The following GSK3B variants were observed in gnomAD, a reference collection of about 807,000 sequenced individuals.
The protein encoded by GSK3B is glycogen synthase kinase 3 beta, also known as glycogen synthase kinase-3 beta.
GSK3B carries 15 observed loss-of-function variants against 56.4 expected under a neutral mutation model. The observed-to-expected ratio is 0.27, with a 90% CI of 0.18 to 0.41. The LOEUF is 0.41. Among genes scored for constraint, GSK3B ranks in the 10% least tolerant of loss-of-function variants. GSK3B has a pLI of 1.00. For synonymous variants in GSK3B, 181 were observed against 188.9 expected (o/e 0.96, Z 0.34); for missense variants, 300 against 513.4 (o/e 0.58, Z 4.02).
At chr3:119,965,745 A>G (rs2057313125) in intron 2 of GSK3B, among the ~76,000 whole-genome samples, 1 of 152,176 alleles carries the variant, frequency 6.6e-6, no homozygotes, top group Middle Eastern at 3.2e-3. Flanking sequence ...ATTTTCATTC[A>G]TTTATTGTGT....
At chr3:119,973,802 T>C (rs992441688) in intron 2 of GSK3B, among the ~76,000 whole-genome samples, 4 of 152,204 alleles carry the variant, frequency 2.6e-5, no homozygotes, top group Admixed American at 6.5e-5. Context: ...ATGGTACATA[T>C]AGGATTCGGT....
At chr3:119,864,254 GA>G (rs1204413342) in intron 8 of GSK3B, among the ~76,000 whole-genome samples, 1 of 151,440 alleles carries the variant, frequency 6.6e-6, no homozygotes, top group Non-Finnish European at 1.5e-5. Context: ...TAATCAAGGA[GA>G]AAAAAATGTA....
intron 3 of GSK3B, among the ~76,000 whole-genome samples, chr3:119,936,245 GC>G (rs1225073372): frequency 6.7e-6 from 1 of 149,922 alleles, no homozygotes; most frequent in Non-Finnish European, 1.5e-5. Flanking sequence ...AGAGACTCTA[GC>G]CAGAACGGTG....
chr3:119,938,483 T>A (rs527492119), intron 3 of GSK3B, among the ~76,000 whole-genome samples: 21 of 152,050 alleles, frequency 1.4e-4, no homozygotes, highest in Non-Finnish European at 2.5e-4. Flanking sequence ...TGGTTCAACA[T>A]AAGAAAATCA....
At chr3:119,847,506 C>T (rs1350147293) in intron 9 of GSK3B, among the ~76,000 whole-genome samples, 1 of 151,764 alleles carries the variant, frequency 6.6e-6, no homozygotes, top group African/African-American at 2.4e-5. Context: ...CAAAACAAAC[C>T]CTACCAGTTT....
chr3:119,928,906 T>G (rs2056915969), intron 3 of GSK3B, among the ~76,000 whole-genome samples: 1 of 152,194 alleles, frequency 6.6e-6, no homozygotes, highest in African/African-American at 2.4e-5. Context: ...ATCATCAATG[T>G]GAAATTCTTT....
chr3:119,964,055 C>T (rs1312683212), intron 2 of GSK3B, among the ~76,000 whole-genome samples: 2 of 152,132 alleles, frequency 1.3e-5, no homozygotes. Flanking sequence ...AAACCATCAA[C>T]AGAGTAAGAA....
At chr3:119,852,236 CTGAA>C (rs1334205343) in intron 9 of GSK3B, among the ~76,000 whole-genome samples, 1 of 152,134 alleles carries the variant, frequency 6.6e-6, no homozygotes, top group Non-Finnish European at 1.5e-5. Context: ...CAAAAAATGT[CTGAA>C]TGCTTTTATT....
In GSK3B at chr3:119,928,612, T is replaced by TAAAAAAAAAA. The variant is rs1160252679; in HGVS notation, c.367-5139_367-5130dup. 1.9e-3 allele frequency among the ~76,000 whole-genome samples: 126 copies of TAAAAAAAAAA among 66,944 alleles called. 1 individual carries two copies. Among genetic ancestry groups the TAAAAAAAAAA allele is most frequent in the Non-Finnish European group, 2.6e-3 (85 of 32,846 alleles). 43.9% of individuals were successfully genotyped at this position (66,944 alleles called of 152,430 possible). The stretch of plus-strand genomic sequence containing the variant: ...AGAGCGAGACTCCATATCAAAAAAA[T>TAAAAAAAAAA]AAAAAAAAAAAAAAAAAAAAAAAGA... On this transcript the variant is annotated intron_variant, in intron 3 of 10. Transcript: ENST00000264235.
At chr3:120,002,350 T>A (rs2057686962) in intron 1 of GSK3B, 111 bp from the exon 2 acceptor site, 1 of 513,458 alleles carries the variant, frequency 1.9e-6, no homozygotes, top group Middle Eastern at 5.4e-4. Context: ...TTTTATTTTT[T>A]TTTTTGAGAT....
At chr3:119,906,471 G>A (rs900602510) in intron 6 of GSK3B, among the ~76,000 whole-genome samples, 46 of 152,056 alleles carry the variant, frequency 3.0e-4, no homozygotes, top group Admixed American at 1.0e-3. Context: ...CCTCAATCCG[G>A]AGAGAAAACT....
intron 1 of GSK3B, among the ~76,000 whole-genome samples, chr3:120,059,527 G>A (rs1294805455): frequency 2.0e-5 from 3 of 152,180 alleles, no homozygotes; most frequent in South Asian, 2.1e-4. Context: ...CCTACAGCAA[G>A]TTTCATCCAA....
intron 1 of GSK3B, among the ~76,000 whole-genome samples, chr3:120,057,916 T>C (rs2058204543): frequency 6.6e-6 from 1 of 151,954 alleles, no homozygotes; most frequent in South Asian, 2.1e-4. Context: ...CCAAACTGTA[T>C]TATGTTAAAT....
At chr3:119,893,461 A>G (rs1250548562) in intron 7 of GSK3B, among the ~76,000 whole-genome samples, 5 of 152,132 alleles carry the variant, frequency 3.3e-5, no homozygotes, top group Non-Finnish European at 7.4e-5. Flanking sequence ...GTTTCCTTCT[A>G]ATTTCCAAAA....
chr3:120,074,162 G>A (rs2107567670), intron 1 of GSK3B, among the ~76,000 whole-genome samples: 1 of 152,000 alleles, frequency 6.6e-6, no homozygotes, highest in East Asian at 1.9e-4. Context: ...AAAATTAGCT[G>A]GGCGTTGTAG....
At chr3:119,839,176 C>A (rs2055735978) in intron 10 of GSK3B, among the ~76,000 whole-genome samples, 1 of 152,078 alleles carries the variant, frequency 6.6e-6, no homozygotes, top group Non-Finnish European at 1.5e-5. Flanking sequence ...TTTTCTTTTG[C>A]TTTTTCAGAA....
intron 1 of GSK3B, among the ~76,000 whole-genome samples, chr3:120,003,591 T>C (rs2057698395): frequency 6.6e-6 from 1 of 152,208 alleles, no homozygotes; most frequent in Non-Finnish European, 1.5e-5. Context: ...AGTAATATAA[T>C]ATTTATGAGT....
At chr3:120,023,333 C>A (rs2057895355) in intron 1 of GSK3B, among the ~76,000 whole-genome samples, 1 of 150,926 alleles carries the variant, frequency 6.6e-6, no homozygotes, top group Admixed American at 6.6e-5. Context: ...TCCAACACTG[C>A]CCCTAAATTC....
chr3:119,846,605 G>C (rs2055860567), intron 9 of GSK3B, among the ~76,000 whole-genome samples: 1 of 152,210 alleles, frequency 6.6e-6, no homozygotes, highest in Non-Finnish European at 1.5e-5. Flanking sequence ...TCTCACACTA[G>C]TTAGAATGGT....
Sources: allele counts gnomAD v4.1 joint callset (sites outside exome capture counted in the v4.1 genomes callset), GRCh38; gene constraint gnomAD v4.1.1; transcripts MANE v1.5; gene names NCBI Gene and HGNC (gene_info 2026-07-23, HGNC 2026-07-21).